The following SPRED2 variants were observed in gnomAD, a reference collection of about 807,000 sequenced individuals.
SPRED2 encodes the protein sprouty-related, EVH1 domain-containing protein 2.
A neutral mutation model predicts 43.0 loss-of-function variants in SPRED2; 47 were observed. The ratio of observed to expected loss-of-function variants is 1.09; its 90% CI spans 0.87 to 1.40. The LOEUF (loss-of-function observed/expected upper bound fraction) is 1.40, where lower values mean the gene tolerates loss of function less well. Ranked by LOEUF, SPRED2 falls within the 40% of genes most tolerant of loss-of-function variation. The pLI is 0.00. For missense variants in SPRED2, 561 were observed against 586.4 expected (o/e 0.96, Z 0.45); for synonymous variants, 225 against 225.7 (o/e 1.00, Z 0.03).
rs74566751 is a variant in SPRED2, at chr2:65,409,025, T to C, written c.26+22937A>G. Among the ~76,000 whole-genome samples, 650 of 152,350 alleles carry C rather than the reference T, an allele frequency of 4.3e-3. 4 individuals carry two copies. The highest frequency in any genetic ancestry group is 6.7e-3 in the Non-Finnish European group (459 of 68,030). ...ATGTCATTTACAGATCACCTCTTCA[T>C]CGACCCCAGACCTTTATGCACATAA... is the stretch of plus-strand genomic sequence containing the variant. On this transcript the variant is annotated intron_variant, in intron 1 of 5. Transcript: ENST00000356388.
At chr2:65,307,915 C>T (rs569628081), downstream of SPRED2, among the ~76,000 whole-genome samples, 3 of 152,380 alleles carry the variant, frequency 2.0e-5, no homozygotes, top group Admixed American at 6.5e-5. Context: ...CCCGCATTGG[C>T]GGGCACTTTC....
intron 1 of SPRED2, among the ~76,000 whole-genome samples, chr2:65,377,072 C>T (rs754264770): frequency 3.3e-5 from 5 of 152,162 alleles, no homozygotes; most frequent in East Asian, 3.8e-4. Context: ...GCACAATATT[C>T]CACTATAGGG....
At chr2:65,339,246 T>C (rs1351537173) in intron 2 of SPRED2, among the ~76,000 whole-genome samples, 3 of 130,552 alleles carry the variant, frequency 2.3e-5, no homozygotes, top group East Asian at 2.7e-4. Flanking sequence ...TCATTGAGAA[T>C]GGGCCATGAT....
chr2:65,392,448 T>C (rs753767850), intron 1 of SPRED2, among the ~76,000 whole-genome samples: 6 of 152,216 alleles, frequency 3.9e-5, no homozygotes, highest in African/African-American at 1.4e-4. Context: ...AGTGCTAAGA[T>C]TACAGGCGTG....
rs537456633 is a variant in SPRED2 at position 65,427,146 on chromosome 2, A to G, written c.26+4816T>C. Among the ~76,000 whole-genome samples, 5 of 152,178 alleles carry G rather than the reference A, an allele frequency of 3.3e-5. No individual in the cohort carries two copies. The East Asian group carries it at 7.7e-4, about 24-fold the overall frequency. On this transcript the variant is annotated intron_variant, in intron 1 of 5. Coordinates refer to ENST00000356388, the MANE Select transcript of SPRED2 (RefSeq NM_181784.3). Reference sequence around the variant, plus strand: ...GAGTGCAGTGGTACGATCACAGCTCATTGCAGCCTCGACCTCCTGGCCTGA... The same window carrying G: ...GAGTGCAGTGGTACGATCACAGCTCGTTGCAGCCTCGACCTCCTGGCCTGA...
chr2:65,416,402 C>T (rs1006856075), intron 1 of SPRED2, among the ~76,000 whole-genome samples: 6 of 152,180 alleles, frequency 3.9e-5, no homozygotes, highest in African/African-American at 1.4e-4. Flanking sequence ...GAACCACACA[C>T]ATCTAGTTCT....
intron 1 of SPRED2, among the ~76,000 whole-genome samples, chr2:65,415,470 A>T (rs1676251904): frequency 6.6e-6 from 1 of 152,150 alleles, no homozygotes; most frequent in Non-Finnish European, 1.5e-5. Context: ...AAAAAATTCA[A>T]ATATAAGGAA....
intron 1 of SPRED2, among the ~76,000 whole-genome samples, chr2:65,431,026 G>C (rs893325821): frequency 6.6e-6 from 1 of 151,950 alleles, no homozygotes; most frequent in Non-Finnish European, 1.5e-5. Context: ...ACCAGGGAGG[G>C]AAAATGCCAA....
At chr2:65,318,697 G>A (rs1329218988) in intron 4 of SPRED2, among the ~76,000 whole-genome samples, 1 of 151,926 alleles carries the variant, frequency 6.6e-6, no homozygotes, top group Non-Finnish European at 1.5e-5. Context: ...TTTGGGACAG[G>A]ATTTTGCTTT....
intron 1 of SPRED2, among the ~76,000 whole-genome samples, chr2:65,416,024 T>C (rs1412391365): frequency 1.3e-5 from 2 of 152,346 alleles, no homozygotes; most frequent in Non-Finnish European, 2.9e-5. Context: ...TTAAAAAGAC[T>C]AAATGCTCCC....
intron 1 of SPRED2, among the ~76,000 whole-genome samples, chr2:65,419,370 T>C (rs1337372239): frequency 6.6e-6 from 1 of 152,194 alleles, no homozygotes; most frequent in East Asian, 1.9e-4. Flanking sequence ...CAACTAAACA[T>C]GTCCTTTGCT....
Position 65,322,294 on chromosome 2 carries a change from ATTTT to A in SPRED2, c.439-5415_439-5412del, listed in dbSNP as rs1178902612. The stretch of plus-strand genomic sequence containing the variant: ...TCTATATATATATATATATATATAT[ATTTT>A]TTTTTTTTTTTTTGAGACGGAGTCT... On this transcript the variant is annotated intron_variant, in intron 4 of 5. Transcript: ENST00000356388. Among the ~76,000 whole-genome samples, 15 of 64,936 alleles carry A rather than the reference ATTTT, an allele frequency of 2.3e-4. No individual in the cohort carries two copies. In the South Asian group the frequency reaches 2.5e-3, roughly 11 times the overall value. The allele number at this position is 64,936 out of a possible 152,430, so 42.6% of individuals were successfully genotyped here.
chr2:65,314,740 G>A (rs1673188185), intron 5 of SPRED2, among the ~76,000 whole-genome samples: 1 of 152,326 alleles, frequency 6.6e-6, no homozygotes, highest in Admixed American at 6.5e-5. Context: ...CCTGTTTTAC[G>A]AAACTTCATT....
chr2:65,360,079 C>CA (rs143422380), intron 1 of SPRED2, among the ~76,000 whole-genome samples: 11,781 of 93,494 alleles, frequency 0.13, 867 homozygotes, highest in Non-Finnish European at 0.18. Flanking sequence ...AAAAAAAAAA[C>CA]AAAAAAAAAC....
intron 3 of SPRED2, among the ~76,000 whole-genome samples, chr2:65,333,791 T>C (rs918887016): frequency 2.6e-5 from 4 of 152,214 alleles, no homozygotes; most frequent in Non-Finnish European, 5.9e-5. Context: ...TAAGACTTGC[T>C]TTTTTTCCTC....
At chr2:65,411,971 C>A (rs1033840151) in intron 1 of SPRED2, among the ~76,000 whole-genome samples, 2 of 151,686 alleles carry the variant, frequency 1.3e-5, no homozygotes, top group African/African-American at 4.8e-5. Context: ...ACTAAAGATA[C>A]AAAAAAATTA....
intron 1 of SPRED2, among the ~76,000 whole-genome samples, 153 bp from the exon 2 acceptor site, chr2:65,345,049 C>A (rs1674309861): frequency 6.6e-6 from 1 of 151,912 alleles, no homozygotes; most frequent in Non-Finnish European, 1.5e-5. Context: ...TGGTCCATCT[C>A]AACTTTTAGG....
In SPRED2 at chr2:65,334,623, T is replaced by C. The variant is rs1169695497; in HGVS notation, c.355A>G (p.Ile119Val). ...TCAATACCTTCTATAAGGTCTTCGA[T>C]TGCTTTCCTTACTCCCCTGTCAAAG... ...RAFDRGVRKA[I>V]EDLIEGSTTS... is the part of the protein sequence containing the mutation. Residue 119 changes from isoleucine to valine, a missense_variant, in exon 3 of 6, where the codon ATC becomes GTC. Ile to Val is a conservative substitution (Grantham distance 29). Transcript: ENST00000356388. 3 of 1,614,148 alleles carry C rather than the reference T, an allele frequency of 1.9e-6. No individual in the cohort carries two copies. The highest frequency in any genetic ancestry group is 2.5e-6 in the Non-Finnish European group (3 of 1,180,058).
At position 65,351,137 on chromosome 2, in the gene SPRED2, T is replaced by C. The variant is rs546383817; in HGVS notation, c.27-6241A>G. On this transcript the variant is annotated intron_variant, in intron 1 of 5. Coordinates refer to ENST00000356388, the MANE Select transcript of SPRED2 (RefSeq NM_181784.3). ...AGGAGTGGGTTTCGACTGCCTGCCCTTTCCAGCTATCAGAGAGTGGAGGGG... is the reference window on the plus strand; with the variant it reads ...AGGAGTGGGTTTCGACTGCCTGCCCCTTCCAGCTATCAGAGAGTGGAGGGG... 2.6e-5 allele frequency among the ~76,000 whole-genome samples: 4 copies of C among 152,282 alleles called. 1 individual carries two copies. The highest frequency in any genetic ancestry group is 7.2e-5 in the African/African-American group (3 of 41,558).
Sources: gnomAD v4.1 joint callset for allele counts (sites outside exome capture counted in the v4.1 genomes callset) on GRCh38, gnomAD v4.1.1 for gene constraint, MANE v1.5 for transcripts, NCBI Gene and HGNC (gene_info 2026-07-23, HGNC 2026-07-21) for gene names.